Variants in COL23A1 observed in about 807,000 individuals in gnomAD.
COL23A1 encodes collagen type XXIII alpha 1 chain, also known as collagen alpha-1(XXIII) chain.
In COL23A1, 97 loss-of-function variants were observed where a neutral mutation model predicts 99.3. The ratio of observed to expected loss-of-function variants is 0.98; its 90% CI spans 0.83 to 1.16. The LOEUF is 1.16. COL23A1 is among the 50% of genes most tolerant of loss of function. COL23A1 has a pLI of 0.00. For synonymous variants in COL23A1, 320 were observed against 308.2 expected, an observed-to-expected ratio of 1.04 and a Z score of -0.40; for missense variants, 762 against 757.4, an observed-to-expected ratio of 1.01 and a Z score of -0.07.
At chr5:178,430,580 G>C (rs1006641953) in intron 2 of COL23A1, among the ~76,000 whole-genome samples, 1 of 152,224 alleles carries the variant, frequency 6.6e-6, no homozygotes, top group South Asian at 2.1e-4. Flanking sequence ...GCAGCAGAGT[G>C]AGCACAGAGT....
chr5:178,358,437 G>A (rs1259454499), intron 2 of COL23A1, among the ~76,000 whole-genome samples: 1 of 144,952 alleles, frequency 6.9e-6, no homozygotes, highest in Non-Finnish European at 1.5e-5. Context: ...ATGTGTATGT[G>A]TGTATGTGTG....
chr5:178,324,107 T>C (rs1490785586), intron 2 of COL23A1, among the ~76,000 whole-genome samples: 1 of 152,094 alleles, frequency 6.6e-6, no homozygotes, highest in African/African-American at 2.4e-5. Context: ...CTTGAGGTCC[T>C]GTGCTGTGAG....
chr5:178,282,429 C>T lies in COL23A1; in HGVS notation c.441+5895G>A, dbSNP rs565705571. Among the ~76,000 whole-genome samples the T allele has an allele frequency of 1.9e-3, 293 of 152,276 alleles. 1 individual carries two copies. The highest frequency in any genetic ancestry group is 6.4e-3 in the African/African-American group (265 of 41,554). On this transcript the variant is annotated intron_variant, in intron 5 of 28. Coordinates refer to ENST00000390654, the MANE Select transcript of COL23A1 (RefSeq NM_173465.4). ...GAGCAGGAGAAACCAAACATCCTCT[C>T]CAAGTATGTGTTTCTGGGGGTGGTC...
chr5:178,328,589 T>A (rs918292872), intron 2 of COL23A1, among the ~76,000 whole-genome samples: 2 of 152,206 alleles, frequency 1.3e-5, no homozygotes, highest in African/African-American at 4.8e-5. Context: ...TGGCTGAGTA[T>A]AAAGTAAGGC....
At chr5:178,460,743 A>C (rs894126663) in intron 2 of COL23A1, among the ~76,000 whole-genome samples, 1 of 152,124 alleles carries the variant, frequency 6.6e-6, no homozygotes. Context: ...TTCCCCTGGC[A>C]TGCATGGACA....
At chr5:178,377,981 G>C (rs929292408) in intron 2 of COL23A1, 1 of 152,300 alleles carries the variant, frequency 6.6e-6, no homozygotes, top group African/African-American at 2.4e-5. Flanking sequence ...GAGGCAGGAG[G>C]ATCGGTGAGC....
At chr5:178,538,431 A>G (rs140240128) in intron 2 of COL23A1, among the ~76,000 whole-genome samples, 47 of 152,392 alleles carry the variant, frequency 3.1e-4, no homozygotes, top group African/African-American at 1.1e-3. Flanking sequence ...ATTTTATTAA[A>G]AAATTAGATT....
At chr5:178,358,122 CGTGTGTACGTCTAATGT>C (rs2127693737) in intron 2 of COL23A1, among the ~76,000 whole-genome samples, 1 of 131,022 alleles carries the variant, frequency 7.6e-6, no homozygotes, top group East Asian at 2.4e-4. Flanking sequence ...TGTATGTGTA[CGTGTGTACGTCTAATGT>C]GTGTGTATGT....
At chr5:178,413,926 C>G (rs1181833890) in intron 2 of COL23A1, among the ~76,000 whole-genome samples, 1 of 152,190 alleles carries the variant, frequency 6.6e-6, no homozygotes, top group Non-Finnish European at 1.5e-5. Context: ...CAGATAAGGT[C>G]TTGGGAGCTC....
rs1187763826 is a variant in COL23A1 at position 178,387,412 on chromosome 5, T to C, written c.362-80493A>G. On this transcript the variant is annotated intron_variant, in intron 2 of 28. Coordinates refer to ENST00000390654, the MANE Select transcript of COL23A1 (RefSeq NM_173465.4). The surrounding 1 kb of genome is among the most constrained non-coding windows in gnomAD (Gnocchi z 4.7). Reference sequence around the variant, plus strand: ...CAGTGCGTTTGCCCAGGTGGGTCCCTCCACAGGAGCGCTCCTCCCGAAACC... The same window carrying C: ...CAGTGCGTTTGCCCAGGTGGGTCCCCCCACAGGAGCGCTCCTCCCGAAACC... Among the ~76,000 whole-genome samples, 6 of 152,092 alleles carry C rather than the reference T, an allele frequency of 3.9e-5. No individual in the cohort carries two copies. In the East Asian group the frequency reaches 7.7e-4, roughly 20 times the overall value.
intron 2 of COL23A1, among the ~76,000 whole-genome samples, chr5:178,448,199 C>T (rs55652110): frequency 3.1e-4 from 22 of 71,718 alleles, no homozygotes; most frequent in African/African-American, 1.0e-3. Context: ...TAGTGCTAGT[C>T]GCAGTCCGTT....
At chr5:178,259,627 C>G in intron 12 of COL23A1, 94 bp downstream of exon 12, 4 of 974,014 alleles carry the variant, frequency 4.1e-6, no homozygotes, top group Non-Finnish European at 6.1e-6. Flanking sequence ...CCCATCCCGT[C>G]CCCATCCCCA....
At chr5:178,577,555 G>C (rs1252751754) in intron 1 of COL23A1, among the ~76,000 whole-genome samples, 1 of 152,198 alleles carries the variant, frequency 6.6e-6, no homozygotes, top group African/African-American at 2.4e-5. Flanking sequence ...CCTGGCGCGC[G>C]GGGCCTGGGG....
intron 2 of COL23A1, among the ~76,000 whole-genome samples, chr5:178,471,863 C>T (rs1019869079): frequency 6.6e-5 from 10 of 152,302 alleles, no homozygotes; most frequent in African/African-American, 2.4e-4. Flanking sequence ...CAGTCCATGC[C>T]CCAGCTCCTT....
At chr5:178,246,025 C>A (rs1561784195) in intron 24 of COL23A1, 57 bp from the exon 25 acceptor site, 3 of 1,599,268 alleles carry the variant, frequency 1.9e-6, no homozygotes, top group Non-Finnish European at 2.6e-6. Flanking sequence ...GGGAGCACAG[C>A]TGCTGGGAAG....
Position 178,405,139 on chromosome 5 carries a change from G to C in COL23A1, c.362-98220C>G, listed in dbSNP as rs556926968. ...CAGGCCACAAACACTGGCAGCCCAAGGGCCAGATGGGCTTGCATGCCCGCA... is the reference window on the plus strand; with the variant it reads ...CAGGCCACAAACACTGGCAGCCCAACGGCCAGATGGGCTTGCATGCCCGCA... On this transcript the variant is annotated intron_variant, in intron 2 of 28. Transcript: ENST00000390654. Among the ~76,000 whole-genome samples, 4 of 152,308 alleles carry C rather than the reference G, an allele frequency of 2.6e-5. No individual in the cohort carries two copies. In the East Asian group the frequency reaches 7.7e-4, roughly 29 times the overall value.
chr5:178,526,364 T>C (rs975127239), intron 2 of COL23A1, among the ~76,000 whole-genome samples: 3 of 152,114 alleles, frequency 2.0e-5, no homozygotes, highest in African/African-American at 7.2e-5. Flanking sequence ...TCACGGGACA[T>C]GTAGCTGTGG....
intron 1 of COL23A1, among the ~76,000 whole-genome samples, chr5:178,587,844 G>A (rs1437776071): frequency 6.6e-6 from 1 of 152,112 alleles, no homozygotes; most frequent in Non-Finnish European, 1.5e-5. Flanking sequence ...TTTACAAGAA[G>A]AATAGCTCCT....
At chr5:178,475,531 A>G (rs573283365) in intron 2 of COL23A1, among the ~76,000 whole-genome samples, 10 of 152,362 alleles carry the variant, frequency 6.6e-5, no homozygotes, top group Admixed American at 6.5e-4. Flanking sequence ...TATGTTTTAC[A>G]GTAATTTGTT....
Sources: gnomAD v4.1 joint callset for allele counts (sites outside exome capture counted in the v4.1 genomes callset) on GRCh38, gnomAD v4.1.1 for gene constraint, Gnocchi (gnomAD v3.1) non-coding constraint, MANE v1.5 for transcripts, NCBI Gene and HGNC (gene_info 2026-07-23, HGNC 2026-07-21) for gene names.